Variants in GALK2 observed in about 807,000 individuals in gnomAD.
GALK2 encodes N-acetylgalactosamine kinase.
A neutral mutation model predicts 52.4 loss-of-function variants in GALK2; 36 were observed. The observed-to-expected ratio is 0.69, with a 90% confidence interval of 0.53 to 0.91. The LOEUF (loss-of-function observed/expected upper bound fraction) is 0.91, where lower values mean the gene tolerates loss of function less well. Among genes scored for constraint, GALK2 ranks in the 40% least tolerant of loss-of-function variants. GALK2 has a pLI of 0.00. For synonymous variants in GALK2, 176 were observed against 199.1 expected (o/e 0.88, Z 0.98); for missense variants, 579 against 559.1 (o/e 1.04, Z -0.36).
chr15:49,356,270 T>C (rs2043151867), intron 3 of GALK2, among the ~76,000 whole-genome samples: 1 of 151,690 alleles, frequency 6.6e-6, no homozygotes, highest in South Asian at 2.1e-4. Flanking sequence ...AATGCTCCAA[T>C]TAAAAGACAC....
At chr15:49,178,091 C>G (rs188174684) in intron 1 of GALK2, among the ~76,000 whole-genome samples, 1 of 147,478 alleles carries the variant, frequency 6.8e-6, no homozygotes, top group Admixed American at 6.8e-5. Context: ...ATTAGTTGAA[C>G]CCAGGAGGCA....
At chr15:49,321,209 C>T (rs980506521) in intron 9 of GALK2, among the ~76,000 whole-genome samples, 5 of 149,776 alleles carry the variant, frequency 3.3e-5, no homozygotes, top group African/African-American at 1.3e-4. Flanking sequence ...TGAGCAGAGG[C>T]CTGAAGGAGG....
At chr15:49,196,102 C>T (rs550813135) in intron 1 of GALK2, among the ~76,000 whole-genome samples, 13 of 151,988 alleles carry the variant, frequency 8.6e-5, no homozygotes, top group African/African-American at 2.2e-4. Flanking sequence ...TTCCTAAAAC[C>T]GCAGGCTTTG....
intron 3 of GALK2, among the ~76,000 whole-genome samples, chr15:49,233,937 T>G (rs1249106246): frequency 1.3e-5 from 2 of 152,224 alleles, no homozygotes; most frequent in African/African-American, 4.8e-5. Context: ...AAGGCAAGCC[T>G]TCTGCCTTTT....
At chr15:49,195,223 C>A (rs2087113156) in intron 1 of GALK2, 2 of 381,456 alleles carry the variant, frequency 5.2e-6, no homozygotes, top group Non-Finnish European at 1.0e-5. Flanking sequence ...AGGTGCGTGC[C>A]ACCATGCTGG....
chr15:49,175,216 A>T (rs1288239879), intron 1 of GALK2, among the ~76,000 whole-genome samples: 2 of 152,198 alleles, frequency 1.3e-5, no homozygotes, highest in Non-Finnish European at 2.9e-5. Flanking sequence ...AAAGACAGTT[A>T]GTGCACAGCC....
At chr15:49,162,977 T>C (rs1438970318) in intron 1 of GALK2, among the ~76,000 whole-genome samples, 6 of 152,360 alleles carry the variant, frequency 3.9e-5, no homozygotes, top group African/African-American at 1.4e-4. Flanking sequence ...TTACGCAGAA[T>C]AGATGTGAAT....
At chr15:49,353,308 A>T (rs191510255) in intron 3 of GALK2, among the ~76,000 whole-genome samples, 5 of 152,206 alleles carry the variant, frequency 3.3e-5, no homozygotes, top group Admixed American at 2.6e-4. Context: ...CAAGGGTTTT[A>T]TGTTTCCTCT....
At chr15:49,201,271 C>G in intron 2 of GALK2, 21 bp downstream of exon 2, 1 of 1,416,880 alleles carries the variant, frequency 7.1e-7, no homozygotes, top group East Asian at 2.3e-5. Flanking sequence ...AGTTCCTTCT[C>G]TTAATTTTTT....
In GALK2 at chr15:49,203,634, T is replaced by C. The variant is rs529131486; in HGVS notation, c.142+2384T>C. 2.6e-5 allele frequency among the ~76,000 whole-genome samples: 4 copies of C among 152,362 alleles called. No homozygotes were observed. In the East Asian group the frequency reaches 5.8e-4, roughly 22 times the overall value. ...GTCTTGAAGTGTTTCCTTTATGTTT[T>C]CTTCTAGTAGTTTCATAGTTTCAGT... On this transcript the variant is annotated intron_variant, in intron 2 of 9. Transcript: ENST00000560031.
chr15:49,310,726 A>G (rs1402039042), intron 8 of GALK2, among the ~76,000 whole-genome samples: 1 of 151,736 alleles, frequency 6.6e-6, no homozygotes, highest in Non-Finnish European at 1.5e-5. Context: ...CTATTTTTTA[A>G]TTGGATTTTT....
chr15:49,262,808 A>G (rs1194502667), intron 5 of GALK2, among the ~76,000 whole-genome samples: 6 of 147,408 alleles, frequency 4.1e-5, no homozygotes, highest in South Asian at 4.4e-4. Flanking sequence ...CTTTATTTCT[A>G]CCTTCATTTC....
At chr15:49,162,276 A>G (rs1163462588) in intron 1 of GALK2, among the ~76,000 whole-genome samples, 2 of 152,180 alleles carry the variant, frequency 1.3e-5, no homozygotes, top group African/African-American at 4.8e-5. Flanking sequence ...TTCACTTAGT[A>G]TAATTATGTT....
At chr15:49,224,147 G>T (rs562537370) in intron 3 of GALK2, among the ~76,000 whole-genome samples, 1 of 152,140 alleles carries the variant, frequency 6.6e-6, no homozygotes, top group South Asian at 2.1e-4. Flanking sequence ...CTTCCTTTGA[G>T]AAGTGTTTGT....
At chr15:49,325,233 C>T (rs150227797) in intron 9 of GALK2, among the ~76,000 whole-genome samples, 4 of 152,188 alleles carry the variant, frequency 2.6e-5, no homozygotes, top group South Asian at 2.1e-4. Context: ...CCTTTGCCAT[C>T]GTGCTTTATA....
intron 1 of GALK2, chr15:49,178,691 TCAGACTGC>T: frequency 4.6e-6 from 1 of 217,966 alleles, no homozygotes; most frequent in Admixed American, 4.1e-5. Flanking sequence ...GTGCATGGTA[TCAGACTGC>T]TGCTTCCTCC....
chr15:49,367,648 T>C lies in GALK2; in HGVS notation c.*112T>C, dbSNP rs747987177. 9 of 1,515,906 alleles carry C rather than the reference T, an allele frequency of 5.9e-6. No homozygotes were observed. The Admixed American group carries it at 1.5e-4, about 26-fold the overall frequency. 93.9% of individuals were successfully genotyped at this position (1,515,906 alleles called of 1,614,324 possible). A position where few individuals can be genotyped will look rare whatever the true frequency, so the allele number is the denominator to read the frequency against. The stretch of plus-strand genomic sequence containing the variant: ...AAATAATCAAGACAACGATTACTTT[T>C]GTGTTTCTAAAAAACTGTGAATAAA... On this transcript the variant is annotated 3_prime_UTR_variant, in exon 4 of 4. Coordinates refer to the GALK2 transcript ENST00000558399.
chr15:49,224,994 G>A (rs2090046198), intron 3 of GALK2, among the ~76,000 whole-genome samples: 1 of 152,174 alleles, frequency 6.6e-6, no homozygotes, highest in Admixed American at 6.6e-5. Context: ...TTTTAATTTG[G>A]GATGTGATCC....
At chr15:49,258,620 A>G (rs1434330993) in intron 5 of GALK2, among the ~76,000 whole-genome samples, 2 of 152,120 alleles carry the variant, frequency 1.3e-5, no homozygotes, top group Non-Finnish European at 2.9e-5. Context: ...GAGTTAAAGT[A>G]TGTAACTCAG....
Sources: allele counts gnomAD v4.1 joint callset (sites outside exome capture counted in the v4.1 genomes callset), GRCh38; gene constraint gnomAD v4.1.1; transcripts MANE v1.5; gene names NCBI Gene and HGNC (gene_info 2026-07-23, HGNC 2026-07-21).